NRXN3: variants seen among roughly 807,000 people sequenced by gnomAD.
NRXN3 encodes the protein neurexin III.
NRXN3 carries 32 observed loss-of-function variants against 137.6 expected under a neutral mutation model. That is an observed-to-expected ratio of 0.23 (90% CI 0.18 to 0.31). The LOEUF (loss-of-function observed/expected upper bound fraction) is 0.31. Ranked by LOEUF, NRXN3 falls within the 10% of genes least tolerant of loss-of-function variation. The pLI, the probability that NRXN3 is intolerant of heterozygous loss-of-function variation, is 1.00. For synonymous variants in NRXN3, 798 were observed against 784.5 expected, an observed-to-expected ratio of 1.02 and a Z score of -0.29; for missense variants, 1,574 against 2,062.5, an observed-to-expected ratio of 0.76 and a Z score of 4.59.
At chr14:79,047,097 A>G (rs1359615047) in intron 15 of NRXN3, among the ~76,000 whole-genome samples, 1 of 150,644 alleles carries the variant, frequency 6.6e-6, no homozygotes, top group Non-Finnish European at 1.5e-5. Context: ...TATTTCATCT[A>G]GTTGAATTTA....
rs555133835 is a variant in NRXN3, at chr14:79,202,856, C to A, written c.3262+214715C>A. 3.3e-5 allele frequency among the ~76,000 whole-genome samples: 5 copies of A among 152,222 alleles called. No homozygotes were observed. The South Asian group carries it at 1.0e-3, about 32-fold the overall frequency. ...GCTATAAACATGTGTGTGCAAGAAT[C>A]TTTTTCATATAATGACTTCTTTTGC... On this transcript the variant is annotated intron_variant, in intron 15 of 20. Coordinates refer to ENST00000335750, the MANE Select transcript of NRXN3 (RefSeq NM_001330195.2).
At chr14:78,459,736 T>G (rs1314109061) in intron 4 of NRXN3, among the ~76,000 whole-genome samples, 1 of 152,200 alleles carries the variant, frequency 6.6e-6, no homozygotes, top group Non-Finnish European at 1.5e-5. Flanking sequence ...CAAACTCACT[T>G]TCTCGTACTA....
At chr14:79,850,897 T>C (rs550892105) in intron 20 of NRXN3, among the ~76,000 whole-genome samples, 10 of 152,234 alleles carry the variant, frequency 6.6e-5, no homozygotes, top group African/African-American at 1.2e-4. Flanking sequence ...TCAGGCTATG[T>C]TGGCTTCATT....
intron 15 of NRXN3, among the ~76,000 whole-genome samples, chr14:79,371,739 G>A (rs1161628571): frequency 6.6e-6 from 1 of 151,980 alleles, no homozygotes; most frequent in Non-Finnish European, 1.5e-5. Context: ...ATACGTTTGT[G>A]GGGAAAATTC....
chr14:79,256,725 G>A (rs189567033), intron 15 of NRXN3, among the ~76,000 whole-genome samples: 17 of 152,208 alleles, frequency 1.1e-4, no homozygotes, highest in African/African-American at 2.6e-4. Flanking sequence ...GCTTTCTCTC[G>A]GGTCACAATT....
At chr14:78,285,406 G>C (rs1281723586) in intron 3 of NRXN3, among the ~76,000 whole-genome samples, 1 of 151,938 alleles carries the variant, frequency 6.6e-6, no homozygotes, top group East Asian at 1.9e-4. Flanking sequence ...TAATGTTTTT[G>C]ACATCCCTAG....
intron 9 of NRXN3, among the ~76,000 whole-genome samples, chr14:78,807,289 A>G (rs1489128796): frequency 6.6e-6 from 1 of 152,226 alleles, no homozygotes; most frequent in Non-Finnish European, 1.5e-5. Flanking sequence ...AGTGGCATGT[A>G]GTTTGGTAAA....
At chr14:78,553,278 T>A (rs1236693471) in intron 4 of NRXN3, among the ~76,000 whole-genome samples, 1 of 152,196 alleles carries the variant, frequency 6.6e-6, no homozygotes, top group African/African-American at 2.4e-5. Context: ...GAGTACCTAA[T>A]ATAAAAAATC....
chr14:79,856,806 C>G (rs2099403608), intron 20 of NRXN3, among the ~76,000 whole-genome samples: 1 of 152,036 alleles, frequency 6.6e-6, no homozygotes, highest in Non-Finnish European at 1.5e-5. Flanking sequence ...AGCAAAAAAG[C>G]CGGGAAGCCT....
chr14:79,813,501 A>C (rs2099242031), intron 20 of NRXN3, among the ~76,000 whole-genome samples: 1 of 152,046 alleles, frequency 6.6e-6, no homozygotes, highest in South Asian at 2.1e-4. Flanking sequence ...TACTTTTATG[A>C]GTAACTATAA....
At chr14:78,418,997 G>A (rs1225198201) in intron 4 of NRXN3, among the ~76,000 whole-genome samples, 2 of 152,206 alleles carry the variant, frequency 1.3e-5, no homozygotes, top group African/African-American at 4.8e-5. Flanking sequence ...AACAAGTGCA[G>A]CCAATGTTTA....
intron 4 of NRXN3, among the ~76,000 whole-genome samples, chr14:78,597,352 A>AT (rs1168295222): frequency 6.6e-6 from 1 of 152,162 alleles, no homozygotes; most frequent in African/African-American, 2.4e-5. Context: ...ATAGAATCCT[A>AT]TTTTTTCCAG....
intron 15 of NRXN3, among the ~76,000 whole-genome samples, chr14:79,359,120 C>T (rs1035427414): frequency 6.6e-6 from 1 of 152,130 alleles, no homozygotes; most frequent in Non-Finnish European, 1.5e-5. Context: ...TTTCCATAAT[C>T]GAAAATGTCA....
At chr14:79,212,774 A>C (rs1276605779) in intron 15 of NRXN3, among the ~76,000 whole-genome samples, 1 of 151,414 alleles carries the variant, frequency 6.6e-6, no homozygotes, top group Non-Finnish European at 1.5e-5. Flanking sequence ...AGGCCTTCTC[A>C]GAGCCTTAAA....
chr14:78,214,080 C>A (rs2063013610), intron 1 of NRXN3, among the ~76,000 whole-genome samples: 1 of 152,202 alleles, frequency 6.6e-6, no homozygotes, highest in Non-Finnish European at 1.5e-5. Flanking sequence ...TTCAACTGTT[C>A]TTCACATAAA....
At chr14:79,556,959 C>T (rs2097435613) in intron 16 of NRXN3, among the ~76,000 whole-genome samples, 1 of 152,030 alleles carries the variant, frequency 6.6e-6, no homozygotes, top group African/African-American at 2.4e-5. Context: ...CCTAATAGTT[C>T]TCAAACACAT....
intron 20 of NRXN3, among the ~76,000 whole-genome samples, chr14:79,833,572 G>T (rs1235557211): frequency 6.6e-6 from 1 of 152,046 alleles, no homozygotes; most frequent in Non-Finnish European, 1.5e-5. Flanking sequence ...TACTAGGAAA[G>T]AGCATGCAGC....
At chr14:78,727,703 G>A (rs1291575904) in intron 8 of NRXN3, among the ~76,000 whole-genome samples, 2 of 152,036 alleles carry the variant, frequency 1.3e-5, no homozygotes, top group Non-Finnish European at 2.9e-5. Context: ...CCATTGTACT[G>A]CAGCCTGGGC....
At chr14:78,982,492 A>G (rs2099491858) in intron 14 of NRXN3, among the ~76,000 whole-genome samples, 2 of 145,944 alleles carry the variant, frequency 1.4e-5, no homozygotes, top group Admixed American at 1.3e-4. Context: ...AAACTTATGC[A>G]TTATGGTTAA....
Sources: gnomAD v4.1 joint callset for allele counts (sites outside exome capture counted in the v4.1 genomes callset) on GRCh38, gnomAD v4.1.1 for gene constraint, MANE v1.5 for transcripts, NCBI Gene and HGNC (gene_info 2026-07-23, HGNC 2026-07-21) for gene names.